C16orf96: variants seen among roughly 807,000 people sequenced by gnomAD.
C16orf96 encodes the protein uncharacterized protein C16orf96.
A neutral mutation model predicts 103.6 loss-of-function variants in C16orf96; 108 were observed. The ratio of observed to expected loss-of-function variants is 1.04; its 90% CI spans 0.89 to 1.22. The LOEUF (loss-of-function observed/expected upper bound fraction) is 1.22, where lower values mean the gene tolerates loss of function less well. Among genes scored for constraint, C16orf96 ranks in the 50% most tolerant of loss-of-function variants. The pLI, the probability that C16orf96 is intolerant of heterozygous loss-of-function variation, is 0.00. For synonymous variants in C16orf96, 566 were observed against 593.5 expected (o/e 0.95, Z 0.67); for missense variants, 1,586 against 1,464.2 (o/e 1.08, Z -1.36).
At position 4,571,578 on chromosome 16, in the gene C16orf96, G is replaced by C. The variant is rs1387859769; in HGVS notation, c.438G>C (p.Gln146His). 2 of 1,552,124 alleles carry C rather than the reference G, an allele frequency of 1.3e-6. No individual in the cohort carries two copies. The highest frequency in any genetic ancestry group is 1.7e-6 in the Non-Finnish European group (2 of 1,147,058). Residue 146 changes from glutamine (Q) to histidine (H), a missense_variant, in exon 2 of 16, where the codon CAG becomes CAC. Coordinates refer to ENST00000444310, the MANE Select transcript of C16orf96 (RefSeq NM_001145011.2). Reference protein sequence around the residue: ...EVMAKSMQTLQDLLTDLHALQ... With the variant: ...EVMAKSMQTLHDLLTDLHALQ... ...TTTTGCAGTCAATGCAGACCCTGCA[G>C]GACTTGCTCACTGATCTTCATGCAC...
chr16:4,587,001 C>T (rs1220407919), intron 7 of C16orf96, 38 bp from the exon 8 acceptor site: 5 of 1,535,280 alleles, frequency 3.3e-6, no homozygotes, highest in Non-Finnish European at 4.4e-6. Context: ...CCTCAAGGCT[C>T]TCCAGGATGG....
chr16:4,574,752 T>C lies in C16orf96; in HGVS notation c.569T>C (p.Ile190Thr), dbSNP rs2141718622. The change falls in exon 3 of 16, where the codon ATA (isoleucine) becomes ACA (threonine). Residue 190 changes from isoleucine (I) to threonine (T), a missense_variant. By Grantham distance (89) the Ile-to-Thr change is moderately conservative. Coordinates refer to ENST00000444310, the MANE Select transcript of C16orf96 (RefSeq NM_001145011.2). ...RMDIFAEDFK[I>T]QNWKMVALQR... ...GACATCTTTGCTGAAGACTTCAAAA[T>C]ACAGAACTGGAAGATGGTTGCACTG... 6.4e-7 allele frequency: 1 copy of C among 1,551,818 alleles called. No homozygotes were observed. Among genetic ancestry groups the C allele is most frequent in the Non-Finnish European group, 8.7e-7 (1 of 1,147,070 alleles).
chr16:4,599,501 C>A, intron 15 of C16orf96, 137 bp downstream of exon 15: 1 of 759,320 alleles, frequency 1.3e-6, no homozygotes, highest in Non-Finnish European at 2.2e-6. Flanking sequence ...CTTTGCCTGC[C>A]TATGGCACTT....
At chr16:4,557,022 T>C (rs2059272563) in intron 1 of C16orf96, 113 bp downstream of exon 1, 3 of 1,233,216 alleles carry the variant, frequency 2.4e-6, no homozygotes, top group Admixed American at 2.9e-5. Context: ...CAGGCTGGAG[T>C]GCAGTGGTGT....
the C16orf96 span, among the ~76,000 whole-genome samples, chr16:4,547,668 C>CCTTCCTTCCTTG: frequency 2.7e-3 from 179 of 67,414 alleles, 1 homozygote; most frequent in African/African-American, 6.4e-3. Flanking sequence ...TTCCTTCCTT[C>CCTTCCTTCCTTG]CTTGCTTCCT....
Position 4,592,039 on chromosome 16 carries a change from C to G in C16orf96, c.2711+255C>G, listed in dbSNP as rs1376633932. Reference sequence around the variant, plus strand: ...GGGCAGATCCAGGACCCCTGACCCCCACCCAGACAGTGCCCCAGGCAGAGG... The same window carrying G: ...GGGCAGATCCAGGACCCCTGACCCCGACCCAGACAGTGCCCCAGGCAGAGG... On this transcript the variant is annotated intron_variant, in intron 10 of 15. Coordinates refer to ENST00000444310, the MANE Select transcript of C16orf96 (RefSeq NM_001145011.2). Among the ~76,000 whole-genome samples, 6 of 152,354 alleles carry G rather than the reference C, an allele frequency of 3.9e-5. No individual in the cohort carries two copies. The East Asian group carries it at 1.2e-3, about 29-fold the overall frequency.
chr16:4,552,423 G>A (rs9927642), upstream of C16orf96, among the ~76,000 whole-genome samples: 15,237 of 150,152 alleles, frequency 0.1, 1,527 homozygotes, highest in African/African-American at 0.25. Context: ...TGGAGGTTGC[G>A]GTGAGCCGAG....
At chr16:4,562,318 A>AG in intron 1 of C16orf96, among the ~76,000 whole-genome samples, 1 of 152,160 alleles carries the variant, frequency 6.6e-6, no homozygotes, top group South Asian at 2.1e-4. Flanking sequence ...CTACCAAAAA[A>AG]TTTTGAAATT....
In C16orf96 at chr16:4,593,352, C is replaced by CGCATGGAGGCCACTCT. The variant is rs1253803109; in HGVS notation, c.2867+38_2867+53dup. 6.6e-6 allele frequency: 10 copies of CGCATGGAGGCCACTCT among 1,521,016 alleles called. No individual in the cohort carries two copies. Among genetic ancestry groups the CGCATGGAGGCCACTCT allele is most frequent in the Non-Finnish European group, 8.9e-6 (10 of 1,123,172 alleles). 94.2% of individuals were successfully genotyped at this position (1,521,016 alleles called of 1,614,324 possible). On this transcript the variant is annotated intron_variant, in intron 12 of 15. Coordinates refer to ENST00000444310, the MANE Select transcript of C16orf96 (RefSeq NM_001145011.2). The surrounding 1 kb of genome is among the most constrained non-coding windows in gnomAD (Gnocchi z 4.2). ...TGGGCGCCCCGCAGGGAGGCCGCCC[C>CGCATGGAGGCCACTCT]GCATGGAGGCCACTCTGGAGCCTGG...
the C16orf96 span, among the ~76,000 whole-genome samples, chr16:4,547,573 C>T: frequency 6.6e-6 from 1 of 152,036 alleles, no homozygotes; most frequent in Non-Finnish European, 1.5e-5. Flanking sequence ...CTAATGGGTA[C>T]AGGTTTTCTC....
intron 9 of C16orf96, among the ~76,000 whole-genome samples, 195 bp downstream of exon 9, chr16:4,588,526 C>T (rs540959174): frequency 1.9e-4 from 29 of 152,186 alleles, no homozygotes; most frequent in African/African-American, 6.5e-4. Context: ...TCTGAAGGCT[C>T]GAATGAGGCT....
intron 7 of C16orf96, 55 bp from the exon 8 acceptor site, chr16:4,586,984 A>G: frequency 1.3e-6 from 2 of 1,499,302 alleles, no homozygotes; most frequent in African/African-American, 1.4e-5. Flanking sequence ...GGAGGTTGAC[A>G]TTTTATCCTC....
the C16orf96 span, among the ~76,000 whole-genome samples, chr16:4,539,619 A>C: frequency 6.6e-6 from 1 of 152,104 alleles, no homozygotes; most frequent in South Asian, 2.1e-4. Flanking sequence ...CGAGAGATGG[A>C]GGTTGCAGTG....
chr16:4,586,979 T>C, intron 7 of C16orf96, 60 bp from the exon 8 acceptor site: 1 of 1,462,996 alleles, frequency 6.8e-7, no homozygotes, highest in Non-Finnish European at 9.4e-7. Context: ...AGGTGGGAGG[T>C]TGACATTTTA....
intron 1 of C16orf96, among the ~76,000 whole-genome samples, chr16:4,568,554 A>C (rs941035645): frequency 1.3e-5 from 2 of 151,804 alleles, no homozygotes; most frequent in Non-Finnish European, 2.9e-5. Context: ...CAGCTACCCA[A>C]AATGCTGGGA....
rs1017634818 is a variant in C16orf96 at position 4,593,275 on chromosome 16, C to T, written c.2826C>T (p.Ala942=). ...KAHLLSRLRP[A]SANSCEYLQR... Reference sequence around the variant, plus strand: ...ACCTGCTGTCCCGGCTGCGGCCAGCCAGCGCCAACAGCTGCGAGTACTTGC... The same window carrying T: ...ACCTGCTGTCCCGGCTGCGGCCAGCTAGCGCCAACAGCTGCGAGTACTTGC... Residue 942 remains alanine (A), a synonymous_variant, in exon 12 of 16, where the codon GCC becomes GCT. Coordinates refer to ENST00000444310, the MANE Select transcript of C16orf96 (RefSeq NM_001145011.2). The surrounding 1 kb of genome is among the most constrained non-coding windows in gnomAD (Gnocchi z 4.2). 6.4e-7 allele frequency: 1 copy of T among 1,551,080 alleles called. No individual in the cohort carries two copies. Among genetic ancestry groups the T allele is most frequent in the Non-Finnish European group, 8.7e-7 (1 of 1,146,910 alleles).
intron 9 of C16orf96, among the ~76,000 whole-genome samples, chr16:4,588,977 G>A (rs995553723): frequency 2.6e-5 from 4 of 152,076 alleles, no homozygotes; most frequent in Non-Finnish European, 5.9e-5. Context: ...AACTGTTCCA[G>A]TCTACTATGA....
At position 4,574,782 on chromosome 16, in the gene C16orf96, G is replaced by A. The variant is rs749300550; in HGVS notation, c.599G>A (p.Arg200Gln). 19 of 1,551,460 alleles carry A rather than the reference G, an allele frequency of 1.2e-5. No homozygotes were observed. The highest frequency in any genetic ancestry group is 1.7e-4 in the Middle Eastern group (1 of 6,016). The change falls in exon 3 of 16, where the codon CGG (arginine) becomes CAG (glutamine). Residue 200 changes from arginine to glutamine, a missense_variant. Coordinates refer to ENST00000444310, the MANE Select transcript of C16orf96 (RefSeq NM_001145011.2). Reference protein sequence around the residue: ...IQNWKMVALQREVASLQNKFK... With the variant: ...IQNWKMVALQQEVASLQNKFK... ...AACTGGAAGATGGTTGCACTGCAGC[G>A]GGAAGTGGTGAGGGCCACCATCCCT...
In C16orf96 at chr16:4,575,254, C is replaced by T. The variant is rs1284895552; in HGVS notation, c.774C>T (p.Tyr258=). 2 of 1,549,742 alleles carry T rather than the reference C, an allele frequency of 1.3e-6. No individual in the cohort carries two copies. Among genetic ancestry groups the T allele is most frequent in the East Asian group, 4.9e-5 (2 of 40,918 alleles). ...PEAALAQTTK[Y]LEATRAIQVS... Reference sequence around the variant, plus strand: ...CTGCCCTGGCCCAGACCACCAAGTACCTTGAAGCTACTCGTGCCATCCAGG... The same window carrying T: ...CTGCCCTGGCCCAGACCACCAAGTATCTTGAAGCTACTCGTGCCATCCAGG... The change falls in exon 5 of 16, where the codon TAC becomes TAT. Residue 258 remains tyrosine, a synonymous_variant. Transcript: ENST00000444310.
Sources: gnomAD v4.1 joint callset for allele counts (sites outside exome capture counted in the v4.1 genomes callset) on GRCh38, gnomAD v4.1.1 for gene constraint, Gnocchi (gnomAD v3.1) non-coding constraint, MANE v1.5 for transcripts, NCBI Gene and HGNC (gene_info 2026-07-23, HGNC 2026-07-21) for gene names.